The following MGAT4D variants were observed in gnomAD, a reference collection of about 807,000 sequenced individuals.
MGAT4D encodes MGAT4 family member D.
In MGAT4D, 34 loss-of-function variants were observed where a neutral mutation model predicts 15.9. The observed-to-expected ratio is 2.14, with a 90% CI of 1.62 to 2.84. The LOEUF (loss-of-function observed/expected upper bound fraction) is 2.84. Among genes scored for constraint, MGAT4D ranks in the 30% most tolerant of loss-of-function variants. The pLI is 0.00. For synonymous variants in MGAT4D, 112 were observed against 48.2 expected, an observed-to-expected ratio of 2.33 and a Z score of -5.49; for missense variants, 327 against 140.2, an observed-to-expected ratio of 2.33 and a Z score of -6.73.
intron 1 of MGAT4D, among the ~76,000 whole-genome samples, chr4:140,496,395 T>C (rs1288953045): frequency 5.3e-5 from 8 of 152,246 alleles, no homozygotes; most frequent in Admixed American, 5.2e-4. Flanking sequence ...ATATGAATGA[T>C]GATGACATAA....
In MGAT4D at chr4:140,492,379, T is replaced by G. The variant is rs115535792; in HGVS notation, c.94+5750A>C. The stretch of plus-strand genomic sequence containing the variant: ...GTGGAGCCCTTCGTGAATTTCTGAT[T>G]ACTAAATCAAGAGTTTAAAATAAGT... On this transcript the variant is annotated intron_variant, in intron 1 of 10. Coordinates refer to ENST00000511113, the MANE Select transcript of MGAT4D (RefSeq NM_001277353.2). Among the ~76,000 whole-genome samples, 1,127 of 152,224 alleles carry G rather than the reference T, an allele frequency of 7.4e-3. 14 individuals carry two copies. Among genetic ancestry groups the G allele is most frequent in the African/African-American group, 0.026 (1,071 of 41,506 alleles).
intron 3 of MGAT4D, 125 bp from the exon 4 acceptor site, chr4:140,475,071 G>A: frequency 2.4e-6 from 1 of 408,896 alleles, no homozygotes; most frequent in Non-Finnish European, 4.3e-6. Context: ...GTTTGAAACT[G>A]TATTACAAAA....
intron 3 of MGAT4D, among the ~76,000 whole-genome samples, chr4:140,478,074 C>A (rs1044888889): frequency 2.6e-5 from 4 of 152,138 alleles, no homozygotes; most frequent in Non-Finnish European, 4.4e-5. Context: ...GGAACAGAAT[C>A]TTCCTTAAAT....
intron 1 of MGAT4D, among the ~76,000 whole-genome samples, chr4:140,483,785 G>C (rs566947516): frequency 6.6e-6 from 1 of 151,984 alleles, no homozygotes; most frequent in Non-Finnish European, 1.5e-5. Flanking sequence ...CAATAAAAAC[G>C]TGTTTGGAAA....
chr4:140,454,714 C>T (rs959220251), intron 9 of MGAT4D, among the ~76,000 whole-genome samples: 11 of 151,698 alleles, frequency 7.3e-5, no homozygotes, highest in Admixed American at 5.9e-4. Flanking sequence ...ACCTTTAAAC[C>T]CTTTGGACAT....
chr4:140,457,317 C>G (rs1730876276), intron 8 of MGAT4D: 1 of 152,032 alleles, frequency 6.6e-6, no homozygotes, highest in East Asian at 1.9e-4. Context: ...GATTCAGGTA[C>G]ATATTCACTT....
chr4:140,495,216 A>G (rs997830541), intron 1 of MGAT4D, among the ~76,000 whole-genome samples: 41 of 152,306 alleles, frequency 2.7e-4, no homozygotes, highest in Non-Finnish European at 5.7e-4. Flanking sequence ...CTTCCCCCAG[A>G]TATCCACACA....
intron 6 of MGAT4D, 26 bp downstream of exon 6, chr4:140,464,870 G>A (rs887501345): frequency 1.4e-6 from 1 of 700,744 alleles, no homozygotes; most frequent in Admixed American, 2.0e-5. Flanking sequence ...AGTTATTTAA[G>A]GCTACTATTT....
intron 10 of MGAT4D, 144 bp from the exon 11 acceptor site, chr4:140,443,588 T>C (rs1191637827): frequency 6.4e-6 from 2 of 312,714 alleles, no homozygotes; most frequent in Non-Finnish European, 1.1e-5. Context: ...ATAGAGAAGG[T>C]AACTTTATAT....
chr4:140,480,100 C>T (rs534819634), intron 2 of MGAT4D, among the ~76,000 whole-genome samples: 2 of 152,100 alleles, frequency 1.3e-5, no homozygotes, highest in South Asian at 4.1e-4. Context: ...ATTCATAATA[C>T]ATAGCAATGT....
At chr4:140,464,865 T>C (rs1021110827) in intron 6 of MGAT4D, 31 bp downstream of exon 6, 6 of 700,846 alleles carry the variant, frequency 8.6e-6, no homozygotes, top group Non-Finnish European at 1.0e-5. Context: ...AAGTTAGTTA[T>C]TTAAGGCTAC....
intron 3 of MGAT4D, among the ~76,000 whole-genome samples, chr4:140,479,160 G>C (rs1033632884): frequency 2.6e-5 from 4 of 152,136 alleles, no homozygotes; most frequent in Admixed American, 2.6e-4. Context: ...CTGGGAAACA[G>C]TAAAATAACC....
chr4:140,456,562 T>G, intron 9 of MGAT4D, 27 bp downstream of exon 9: 1 of 597,182 alleles, frequency 1.7e-6, no homozygotes, highest in Non-Finnish European at 3.0e-6. Flanking sequence ...TCCTAAAATA[T>G]TTGGTATTCA....
intron 8 of MGAT4D, chr4:140,457,111 T>C (rs903214679): frequency 6.6e-6 from 1 of 152,212 alleles, no homozygotes; most frequent in African/African-American, 2.4e-5. Flanking sequence ...TCTACTACAT[T>C]TTTCGTTGTT....
intron 9 of MGAT4D, among the ~76,000 whole-genome samples, chr4:140,452,165 T>C (rs1258643672): frequency 1.3e-5 from 2 of 151,884 alleles, no homozygotes; most frequent in African/African-American, 4.8e-5. Context: ...GAGACTCCAT[T>C]TTTAAAAAAC....
rs913739609 is a variant in MGAT4D, at chr4:140,443,048, A to G, written c.*388T>C. The G allele has an allele frequency of 6.5e-6, 1 of 152,990 alleles. No individual in the cohort carries two copies. The highest frequency in any genetic ancestry group is 1.5e-5 in the Non-Finnish European group (1 of 68,634). 9.5% of individuals were successfully genotyped at this position (152,990 alleles called of 1,614,324 possible). On this transcript the variant is annotated 3_prime_UTR_variant, in exon 11 of 11. Transcript: ENST00000511113. ...TTAAATTTGTGCTTTCTATTTCTTT[A>G]GGTGTCTTAACAAAATGGATAACGG... is the stretch of plus-strand genomic sequence containing the variant.
intron 1 of MGAT4D, among the ~76,000 whole-genome samples, chr4:140,490,283 T>C (rs1272583525): frequency 6.6e-6 from 1 of 152,196 alleles, no homozygotes; most frequent in Non-Finnish European, 1.5e-5. Flanking sequence ...TCCAGTTACC[T>C]TGTAGGTGTA....
intron 9 of MGAT4D, among the ~76,000 whole-genome samples, chr4:140,451,990 T>C (rs1440670039): frequency 2.5e-5 from 1 of 39,566 alleles, no homozygotes; most frequent in Non-Finnish European, 5.2e-5. Flanking sequence ...CTGGATAATT[T>C]TCTCAAAAAA....
intron 5 of MGAT4D, among the ~76,000 whole-genome samples, chr4:140,471,518 G>A (rs1731958930): frequency 6.6e-6 from 1 of 151,864 alleles, no homozygotes; most frequent in East Asian, 1.9e-4. Flanking sequence ...GGCTTCTCTC[G>A]GTACCAATGG....
Sources: allele counts gnomAD v4.1 joint callset (sites outside exome capture counted in the v4.1 genomes callset), GRCh38; gene constraint gnomAD v4.1.1; transcripts MANE v1.5; gene names NCBI Gene and HGNC (gene_info 2026-07-23, HGNC 2026-07-21).